Variants in TRAPPC13 observed in about 807,000 individuals in gnomAD.
The protein encoded by TRAPPC13 is REV7-interacting novel NHEJ regulator 1.
Under a neutral mutation model 54.0 loss-of-function variants are expected in TRAPPC13, and 39 were observed. That is an observed-to-expected ratio of 0.72 (90% confidence interval 0.56 to 0.94). TRAPPC13 has a LOEUF of 0.94. Ranked by LOEUF, TRAPPC13 falls within the 40% of genes least tolerant of loss-of-function variation. The pLI, the probability that TRAPPC13 is intolerant of heterozygous loss-of-function variation, is 0.00. For synonymous variants in TRAPPC13, 148 were observed against 167.7 expected, an observed-to-expected ratio of 0.88 and a Z score of 0.91; for missense variants, 386 against 488.1, an observed-to-expected ratio of 0.79 and a Z score of 1.97.
chr5:65,625,723 T>C (rs886100226), intron 1 of TRAPPC13, among the ~76,000 whole-genome samples: 1 of 152,214 alleles, frequency 6.6e-6, no homozygotes, highest in African/African-American at 2.4e-5. Flanking sequence ...CTTTTTTTTT[T>C]AGGACAATTT....
At chr5:65,653,072 A>G (rs1301159598) in intron 7 of TRAPPC13, among the ~76,000 whole-genome samples, 1 of 151,100 alleles carries the variant, frequency 6.6e-6, no homozygotes, top group Non-Finnish European at 1.5e-5. Flanking sequence ...AAGAGAAGTA[A>G]CTTATAATAG....
chr5:65,657,257 C>T (rs1331744318), intron 8 of TRAPPC13, among the ~76,000 whole-genome samples: 2 of 151,718 alleles, frequency 1.3e-5, no homozygotes, highest in Non-Finnish European at 2.9e-5. Flanking sequence ...TATTGCGCGC[C>T]TATAATCCCA....
chr5:65,635,006 T>G, intron 1 of TRAPPC13: 5 of 846,050 alleles, frequency 5.9e-6, no homozygotes, highest in Non-Finnish European at 7.1e-6. Context: ...CCTAATACTC[T>G]TTAAGCTTTA....
intron 5 of TRAPPC13, among the ~76,000 whole-genome samples, 171 bp downstream of exon 5, chr5:65,647,353 T>C (rs1340076974): frequency 6.6e-6 from 1 of 152,206 alleles, no homozygotes; most frequent in Non-Finnish European, 1.5e-5. Context: ...ATGTTTGTTT[T>C]GTAGGGAGAA....
chr5:65,638,706 G>A (rs2150670867), intron 4 of TRAPPC13, among the ~76,000 whole-genome samples: 2 of 152,338 alleles, frequency 1.3e-5, no homozygotes, highest in Admixed American at 1.3e-4. Flanking sequence ...CATGGCGGAA[G>A]GCAAGGAGGA....
chr5:65,633,975 G>A (rs1408159555), intron 1 of TRAPPC13, among the ~76,000 whole-genome samples: 2 of 123,634 alleles, frequency 1.6e-5, no homozygotes, highest in Non-Finnish European at 3.4e-5. Context: ...ATCTCTCCCA[G>A]CGTTTTTTTT....
chr5:65,643,736 G>A (rs192464270), intron 4 of TRAPPC13, among the ~76,000 whole-genome samples: 2 of 149,266 alleles, frequency 1.3e-5, no homozygotes, highest in African/African-American at 4.9e-5. Context: ...AGAATGGCGT[G>A]AACCCGGGAG....
At chr5:65,641,849 G>A (rs1050015198) in intron 4 of TRAPPC13, among the ~76,000 whole-genome samples, 2 of 151,088 alleles carry the variant, frequency 1.3e-5, no homozygotes, top group Non-Finnish European at 2.9e-5. Flanking sequence ...TTAAAATGGG[G>A]AAGCTCCCTG....
At position 65,658,350 on chromosome 5, in the gene TRAPPC13, T is replaced by G; in HGVS notation, c.565-18T>G. The G allele has an allele frequency of 6.3e-7, 1 of 1,574,848 alleles. No homozygotes were observed. Among genetic ancestry groups the G allele is most frequent in the Non-Finnish European group, 8.6e-7 (1 of 1,160,852 alleles). ...AAATGCCACCACACCTTGGTGGATA[T>G]TTTTTTCATATCCTCAGACTGATGA... is the stretch of plus-strand genomic sequence containing the variant. On this transcript the variant is annotated intron_variant, in intron 8 of 12. Coordinates refer to ENST00000399438, the MANE Select transcript of TRAPPC13 (RefSeq NM_024941.4).
chr5:65,658,229 T>C, intron 8 of TRAPPC13, 139 bp from the exon 9 acceptor site: 1 of 744,662 alleles, frequency 1.3e-6, no homozygotes, highest in Non-Finnish European at 2.0e-6. Context: ...TTGCATTAAT[T>C]GTGGTAACTT....
chr5:65,641,638 G>A (rs1755967338), intron 4 of TRAPPC13, among the ~76,000 whole-genome samples: 1 of 151,268 alleles, frequency 6.6e-6, no homozygotes, highest in African/African-American at 2.4e-5. Flanking sequence ...TTGAACTCAT[G>A]AATTCGAGGC....
chr5:65,638,164 T>C (rs1489029063), intron 4 of TRAPPC13, among the ~76,000 whole-genome samples: 2 of 152,038 alleles, frequency 1.3e-5, no homozygotes, highest in Non-Finnish European at 2.9e-5. Context: ...ATATCTATTA[T>C]GTTTTTGGCA....
chr5:65,630,683 A>G (rs1259837829), intron 1 of TRAPPC13: 4 of 1,000,502 alleles, frequency 4.0e-6, no homozygotes, highest in Non-Finnish European at 4.8e-6. Flanking sequence ...ATTTTTTAAA[A>G]AATAAAACTC....
rs1756982627 is a variant in TRAPPC13 at position 65,664,905 on chromosome 5, C to T, written c.*294C>T. The T allele has an allele frequency of 2.7e-6, 1 of 372,698 alleles. No individual in the cohort carries two copies. The highest frequency in any genetic ancestry group is 2.2e-5 in the African/African-American group (1 of 46,076). 23.1% of individuals were successfully genotyped at this position (372,698 alleles called of 1,614,324 possible). ...TGTATCTGAGACCATTTGTCCCTAG[C>T]AAGTTATCTAGAACACGAGTCAGCA... is the stretch of plus-strand genomic sequence containing the variant. On this transcript the variant is annotated 3_prime_UTR_variant, in exon 13 of 13. Coordinates refer to ENST00000399438, the MANE Select transcript of TRAPPC13 (RefSeq NM_024941.4).
rs577697083 is a variant in TRAPPC13, at chr5:65,629,628, G to A, written c.46+4522G>A. ...ATATTACATTATCGACCATGTGAGA[G>A]TGATCCCACACAACTGCCAAAAATT... On this transcript the variant is annotated intron_variant, in intron 1 of 12. Transcript: ENST00000399438. 29 of 1,535,844 alleles carry A rather than the reference G, an allele frequency of 1.9e-5. No homozygotes were observed. In the East Asian group the frequency reaches 6.6e-4, roughly 35 times the overall value.
At chr5:65,642,524 ATTTAC>A (rs1456971221) in intron 4 of TRAPPC13, among the ~76,000 whole-genome samples, 1 of 151,722 alleles carries the variant, frequency 6.6e-6, no homozygotes. Context: ...GCTTCTGTTT[ATTTAC>A]TTTATTCTTT....
intron 3 of TRAPPC13, 24 bp downstream of exon 3, chr5:65,636,067 G>C: frequency 6.9e-7 from 1 of 1,445,608 alleles, no homozygotes; most frequent in Non-Finnish European, 9.6e-7. Flanking sequence ...ATTCACATAA[G>C]AAACCTTGTA....
At chr5:65,650,932 G>T in intron 6 of TRAPPC13, 50 bp downstream of exon 6, 1 of 1,319,502 alleles carries the variant, frequency 7.6e-7, no homozygotes, top group Non-Finnish European at 1.1e-6. Flanking sequence ...TTTTCTTCCT[G>T]GTAGTATACA....
chr5:65,659,599 G>C (rs1305522304), intron 9 of TRAPPC13, among the ~76,000 whole-genome samples: 2 of 152,140 alleles, frequency 1.3e-5, no homozygotes, highest in African/African-American at 4.8e-5. Context: ...GGAATAGATG[G>C]TTTAATACTT....
Sources: gnomAD v4.1 joint callset for allele counts (sites outside exome capture counted in the v4.1 genomes callset) on GRCh38, gnomAD v4.1.1 for gene constraint, MANE v1.5 for transcripts, NCBI Gene and HGNC (gene_info 2026-07-23, HGNC 2026-07-21) for gene names.